SNX29: variants seen among roughly 807,000 people sequenced by gnomAD.
The protein encoded by SNX29 is sorting nexin 29.
A neutral mutation model predicts 102.1 loss-of-function variants in SNX29; 78 were observed. The ratio of observed to expected loss-of-function variants is 0.76; its 90% CI spans 0.64 to 0.92. The LOEUF (loss-of-function observed/expected upper bound fraction) is 0.92. Among genes scored for constraint, SNX29 ranks in the 40% least tolerant of loss-of-function variants. The pLI is 0.00. For synonymous variants in SNX29, 580 were observed against 414.5 expected (o/e 1.40, Z -4.85); for missense variants, 1,280 against 1,061.7 (o/e 1.21, Z -2.86).
At chr16:12,426,328 C>T (rs1265110005) in intron 18 of SNX29, among the ~76,000 whole-genome samples, 1 of 152,176 alleles carries the variant, frequency 6.6e-6, no homozygotes, top group Non-Finnish European at 1.5e-5. Context: ...GCTTGCAGCT[C>T]TCCTGGCAGG....
In SNX29 at chr16:12,046,486, T is replaced by G. The variant is rs200668816; in HGVS notation, c.499+32T>G. On this transcript the variant is annotated intron_variant, in intron 6 of 20. Coordinates refer to ENST00000566228, the MANE Select transcript of SNX29 (RefSeq NM_032167.5). ...CTGGCCCAGACCAGGGTGCAGGGCC[T>G]TGTGACACTTGGCAGAGGGGCTGCC... The G allele has an allele frequency of 2.7e-5, 43 of 1,608,774 alleles. No individual in the cohort carries two copies. In the East Asian group the frequency reaches 9.1e-4, roughly 34 times the overall value.
intron 1 of SNX29, 71 bp from the exon 2 acceptor site, chr16:11,999,226 A>G: frequency 7.2e-7 from 1 of 1,380,800 alleles, no homozygotes; most frequent in Non-Finnish European, 1.0e-6. Context: ...TCAGTAGGAA[A>G]GGACTGATCT....
chr16:12,382,637 T>G (rs2083209831), intron 16 of SNX29, among the ~76,000 whole-genome samples: 1 of 152,230 alleles, frequency 6.6e-6, no homozygotes, highest in South Asian at 2.1e-4. Flanking sequence ...CGTGCTGGCT[T>G]AAAACAACAT....
At chr16:12,557,657 C>G (rs1217358481) in intron 20 of SNX29, 1 of 152,200 alleles carries the variant, frequency 6.6e-6, no homozygotes, top group African/African-American at 2.4e-5. Context: ...CCACTACACC[C>G]AGCCCAAAAA....
At chr16:12,190,251 C>T (rs1376103901) in intron 13 of SNX29, among the ~76,000 whole-genome samples, 1 of 152,092 alleles carries the variant, frequency 6.6e-6, no homozygotes, top group East Asian at 1.9e-4. Context: ...TCCACTTCCA[C>T]TCCTGATTGA....
intron 19 of SNX29, among the ~76,000 whole-genome samples, chr16:12,491,271 C>G (rs1318900703): frequency 6.6e-6 from 1 of 152,156 alleles, no homozygotes; most frequent in Non-Finnish European, 1.5e-5. Context: ...CTCGGTTTCT[C>G]TAGGTTGTGT....
chr16:12,042,978 C>T lies in SNX29; in HGVS notation c.329C>T (p.Ser110Leu), dbSNP rs146124375. The part of the protein sequence containing the change: ...QRFYSLRHIA[S>L]DVGRGRAWLR... ...TTCTACTCCCTGCGCCACATCGCCT[C>T]AGACGTGGGCCGGGGTCGCGCCTGG... The change falls in exon 5 of 21, where the codon TCA (serine) becomes TTA (leucine). Residue 110 changes from serine to leucine, a missense_variant. Physicochemically the swap from Ser to Leu is moderately radical, Grantham distance 145. Transcript: ENST00000566228. 125 of 1,613,782 alleles carry T rather than the reference C, an allele frequency of 7.7e-5. No homozygotes were observed. The highest frequency in any genetic ancestry group is 1.0e-4 in the Non-Finnish European group (119 of 1,179,872).
At chr16:12,342,953 T>C (rs2081657133) in intron 15 of SNX29, among the ~76,000 whole-genome samples, 2 of 152,242 alleles carry the variant, frequency 1.3e-5, no homozygotes, top group Admixed American at 6.5e-5. Context: ...AAGGAGGCTC[T>C]TGGCAGCTTT....
chr16:12,041,208 T>C (rs1415593758), intron 4 of SNX29, among the ~76,000 whole-genome samples: 2 of 152,012 alleles, frequency 1.3e-5, no homozygotes, highest in Non-Finnish European at 2.9e-5. Context: ...GCCTACCGGG[T>C]TCAAATGATT....
chr16:12,109,910 T>C (rs1476359669), intron 11 of SNX29, among the ~76,000 whole-genome samples: 2 of 152,126 alleles, frequency 1.3e-5, no homozygotes, highest in African/African-American at 4.8e-5. Flanking sequence ...TTTGTATTTT[T>C]AGTAGAGACA....
chr16:12,377,624 G>A lies in SNX29; in HGVS notation c.1900-20822G>A, dbSNP rs142743047. ...AGGTAATAGATGCAGAGATGTGTGC[G>A]CCCGGTACGTAGTAGGCAATCAACA... On this transcript the variant is annotated intron_variant, in intron 16 of 20. Coordinates refer to ENST00000566228, the MANE Select transcript of SNX29 (RefSeq NM_032167.5). 3.9e-4 allele frequency among the ~76,000 whole-genome samples: 60 copies of A among 152,264 alleles called. No individual in the cohort carries two copies. In the East Asian group the frequency reaches 8.9e-3, roughly 23 times the overall value.
intron 18 of SNX29, among the ~76,000 whole-genome samples, chr16:12,458,785 C>T (rs528053538): frequency 3.3e-5 from 5 of 152,290 alleles, no homozygotes; most frequent in South Asian, 2.1e-4. Context: ...CGCACACATG[C>T]GCAGAGGCAG....
chr16:12,439,224 A>C (rs530906801), intron 18 of SNX29, among the ~76,000 whole-genome samples: 1 of 152,062 alleles, frequency 6.6e-6, no homozygotes, highest in African/African-American at 2.4e-5. Flanking sequence ...AAGAGAGCTG[A>C]GAGACGGCTA....
rs181059014 is a variant in SNX29, at chr16:12,315,928, A to G, written c.1782+37892A>G. ...CTGGAGATGTAATGGGGTGAACTGC[A>G]TCAGGCCTCTGCTCCCATGGAAGAT... On this transcript the variant is annotated intron_variant, in intron 15 of 20. Transcript: ENST00000566228. Among the ~76,000 whole-genome samples the G allele has an allele frequency of 1.6e-4, 25 of 152,334 alleles. No individual in the cohort carries two copies. In the East Asian group the frequency reaches 4.8e-3, roughly 29 times the overall value.
chr16:12,412,240 C>T (rs1402835980), intron 18 of SNX29, among the ~76,000 whole-genome samples: 2 of 152,190 alleles, frequency 1.3e-5, no homozygotes, highest in Non-Finnish European at 2.9e-5. Flanking sequence ...TTCATGATCC[C>T]CATCTTATAG....
chr16:12,427,383 C>T (rs77508157), intron 18 of SNX29, among the ~76,000 whole-genome samples: 1,699 of 152,162 alleles, frequency 0.011, 39 homozygotes, highest in African/African-American at 0.039. Flanking sequence ...AGTTTGCCAC[C>T]TCTGATAGGA....
At chr16:12,200,832 C>G (rs1299379191) in intron 14 of SNX29, among the ~76,000 whole-genome samples, 1 of 152,134 alleles carries the variant, frequency 6.6e-6, no homozygotes, top group Non-Finnish European at 1.5e-5. Context: ...CATGCTCACC[C>G]ACGACCACCT....
intron 20 of SNX29, among the ~76,000 whole-genome samples, chr16:12,543,545 C>G (rs1393623221): frequency 2.0e-5 from 3 of 152,174 alleles, no homozygotes; most frequent in Non-Finnish European, 4.4e-5. Context: ...GCCCAGACTT[C>G]CACGCCCACT....
rs2079211320 is a variant in SNX29, at chr16:12,572,604, C to CTG, written c.*3975_*3976insTG. The CTG allele has an allele frequency of 9.4e-7, 1 of 1,063,690 alleles. No homozygotes were observed. Among genetic ancestry groups the CTG allele is most frequent in the Admixed American group, 5.4e-5 (1 of 18,668 alleles). The allele number at this position is 1,063,690 out of a possible 1,614,324, so 65.9% of individuals were successfully genotyped here. A position where few individuals can be genotyped will look rare whatever the true frequency, so the allele number is the denominator to read the frequency against. ...TCTCTGGGCTCCCAGTGAGCCCCCT[C>CTG]CCCTCCGGCTACCCCCAGAATCCAT... On this transcript the variant is annotated 3_prime_UTR_variant, in exon 21 of 21. Coordinates refer to ENST00000566228, the MANE Select transcript of SNX29 (RefSeq NM_032167.5).
Sources: gnomAD v4.1 joint callset for allele counts (sites outside exome capture counted in the v4.1 genomes callset) on GRCh38, gnomAD v4.1.1 for gene constraint, MANE v1.5 for transcripts, NCBI Gene and HGNC (gene_info 2026-07-23, HGNC 2026-07-21) for gene names.